The following STXBP6 variants were observed in gnomAD, a reference collection of about 807,000 sequenced individuals.
STXBP6 encodes syntaxin-binding protein 6.
In STXBP6, 21 loss-of-function variants were observed where a neutral mutation model predicts 26.9. That is an observed-to-expected ratio of 0.78 (90% confidence interval 0.55 to 1.12). The LOEUF (loss-of-function observed/expected upper bound fraction) is 1.12. STXBP6 is among the 50% of genes most tolerant of loss of function. The pLI is 0.00. For synonymous variants in STXBP6, 97 were observed against 92.6 expected, an observed-to-expected ratio of 1.05 and a Z score of -0.27; for missense variants, 232 against 257.9, an observed-to-expected ratio of 0.90 and a Z score of 0.69.
At chr14:24,926,933 C>T (rs1034205728) in intron 2 of STXBP6, among the ~76,000 whole-genome samples, 1 of 141,776 alleles carries the variant, frequency 7.1e-6, no homozygotes, top group East Asian at 2.1e-4. Flanking sequence ...GCTCCTGCTG[C>T]TATTTAAAAA....
chr14:24,899,812 A>AAAAAAAAAAGCAAAAAAAAG (rs1566458124), intron 2 of STXBP6, among the ~76,000 whole-genome samples: 2 of 144,646 alleles, frequency 1.4e-5, no homozygotes, highest in African/African-American at 5.5e-5. Context: ...AAAAAAAAAA[A>AAAAAAAAAAGCAAAAAAAAG]AAAAGAGTAA....
intron 2 of STXBP6, among the ~76,000 whole-genome samples, chr14:24,866,647 A>G (rs1398479377): frequency 7.2e-5 from 11 of 152,020 alleles, no homozygotes; most frequent in African/African-American, 2.7e-4. Flanking sequence ...AAGAAATTGA[A>G]GACTTATAGA....
intron 2 of STXBP6, among the ~76,000 whole-genome samples, chr14:24,907,581 T>C (rs952066470): frequency 1.3e-5 from 2 of 152,174 alleles, no homozygotes; most frequent in South Asian, 4.1e-4. Context: ...TTTTCCATAC[T>C]TTTTAATTTA....
intron 2 of STXBP6, among the ~76,000 whole-genome samples, chr14:24,943,039 C>G (rs2072859715): frequency 6.6e-6 from 1 of 152,208 alleles, no homozygotes; most frequent in Non-Finnish European, 1.5e-5. Context: ...TGTATGCTCA[C>G]TCTTCGGAAG....
intron 2 of STXBP6, among the ~76,000 whole-genome samples, chr14:24,941,933 A>G (rs928088077): frequency 6.6e-6 from 1 of 152,232 alleles, no homozygotes; most frequent in African/African-American, 2.4e-5. Flanking sequence ...CTGAATGCCA[A>G]CAGGCTGCCA....
chr14:24,893,473 C>G (rs1241606), intron 2 of STXBP6, among the ~76,000 whole-genome samples: 1 of 151,964 alleles, frequency 6.6e-6, no homozygotes, highest in Non-Finnish European at 1.5e-5. Context: ...TGTTCTTATT[C>G]GCCAAGCAGT....
rs1163045820 is a variant in STXBP6 at position 24,813,137 on chromosome 14, A to T, written c.610-405T>A. ...AATTGTATTTACTGGCATCTCATGA[A>T]GTATTAAAAATCAACAGCTTTTAGT... is the stretch of plus-strand genomic sequence containing the variant. On this transcript the variant is annotated intron_variant, in intron 5 of 5. Coordinates refer to ENST00000323944, the MANE Select transcript of STXBP6 (RefSeq NM_001394410.1). Among the ~76,000 whole-genome samples, 3 of 152,322 alleles carry T rather than the reference A, an allele frequency of 2.0e-5. No individual in the cohort carries two copies. The South Asian group carries it at 6.2e-4, about 32-fold the overall frequency.
chr14:24,870,259 G>C (rs888229874), intron 2 of STXBP6, among the ~76,000 whole-genome samples: 1 of 152,096 alleles, frequency 6.6e-6, no homozygotes, highest in South Asian at 2.1e-4. Context: ...TTAACGAGGG[G>C]CCAAATATGT....
intron 2 of STXBP6, among the ~76,000 whole-genome samples, chr14:24,930,752 T>C (rs2072354102): frequency 6.6e-6 from 1 of 152,124 alleles, no homozygotes; most frequent in African/African-American, 2.4e-5. Context: ...GCTATTTTAA[T>C]AAAAGTAATT....
intron 2 of STXBP6, among the ~76,000 whole-genome samples, chr14:24,895,132 TCA>T (rs1283138578): frequency 6.6e-6 from 1 of 152,226 alleles, no homozygotes; most frequent in African/African-American, 2.4e-5. Context: ...ACTGTTTTTC[TCA>T]CAGAAATCAG....
At chr14:25,010,337 G>A (rs914255763) in intron 1 of STXBP6, among the ~76,000 whole-genome samples, 9 of 152,178 alleles carry the variant, frequency 5.9e-5, no homozygotes, top group Admixed American at 1.3e-4. Context: ...ATTAAAATGC[G>A]TTCCAATTTC....
intron 2 of STXBP6, among the ~76,000 whole-genome samples, chr14:24,860,427 C>T (rs899218509): frequency 2.6e-5 from 4 of 152,000 alleles, no homozygotes; most frequent in African/African-American, 7.2e-5. Flanking sequence ...GCTCATATAC[C>T]GCCAAGATTC....
At chr14:24,818,372 G>A (rs938444740) in intron 5 of STXBP6, among the ~76,000 whole-genome samples, 1 of 152,176 alleles carries the variant, frequency 6.6e-6, no homozygotes, top group Non-Finnish European at 1.5e-5. Flanking sequence ...TTCTCAGCGA[G>A]TATGAGAATG....
At position 25,035,465 on chromosome 14, in the gene STXBP6, C is replaced by T. The variant is rs77773607; in HGVS notation, c.-33+14413G>A. On this transcript the variant is annotated intron_variant, in intron 1 of 5. Transcript: ENST00000323944. ...TTGGCAGGAAGTCAATAAGTTCAAACGTCCACCAGCCAAGTCCAGATCTGA... is the reference window on the plus strand; with the variant it reads ...TTGGCAGGAAGTCAATAAGTTCAAATGTCCACCAGCCAAGTCCAGATCTGA... Among the ~76,000 whole-genome samples, 904 of 152,340 alleles carry T rather than the reference C, an allele frequency of 5.9e-3. 11 individuals are homozygous for T. The highest frequency in any genetic ancestry group is 0.021 in the African/African-American group (865 of 41,582).
At chr14:24,914,680 T>C (rs544235156) in intron 2 of STXBP6, among the ~76,000 whole-genome samples, 4 of 152,332 alleles carry the variant, frequency 2.6e-5, no homozygotes, top group African/African-American at 9.6e-5. Context: ...CCCTAAGCTA[T>C]CCGTTGTCAT....
In STXBP6 at chr14:24,818,405, G is replaced by A. The variant is rs1043388744; in HGVS notation, c.609+632C>T. Among the ~76,000 whole-genome samples, 11 of 152,248 alleles carry A rather than the reference G, an allele frequency of 7.2e-5. 2 individuals are homozygous for A. Among genetic ancestry groups the A allele is most frequent in the Admixed American group, 3.9e-4 (6 of 15,296 alleles). ...ATGTGCAGAGTGCGCACTCAGTCAC[G>A]CAGGAAATGCCCTTCTCTGGATTCA... On this transcript the variant is annotated intron_variant, in intron 5 of 5. Transcript: ENST00000323944.
At chr14:24,936,495 C>T (rs1012136358) in intron 2 of STXBP6, among the ~76,000 whole-genome samples, 1 of 152,108 alleles carries the variant, frequency 6.6e-6, no homozygotes, top group African/African-American at 2.4e-5. Context: ...TCTATTCTTA[C>T]AGATTAGATT....
intron 2 of STXBP6, among the ~76,000 whole-genome samples, chr14:24,902,340 G>T (rs2071242167): frequency 6.6e-6 from 1 of 152,182 alleles, no homozygotes; most frequent in African/African-American, 2.4e-5. Context: ...GACATGGAAT[G>T]ATAAGATACA....
At chr14:24,924,686 T>C (rs1336536012) in intron 2 of STXBP6, among the ~76,000 whole-genome samples, 1 of 152,158 alleles carries the variant, frequency 6.6e-6, no homozygotes, top group South Asian at 2.1e-4. Flanking sequence ...TCCTGTTACA[T>C]TCACCATTGT....
Sources: allele counts gnomAD v4.1 joint callset (sites outside exome capture counted in the v4.1 genomes callset), GRCh38; gene constraint gnomAD v4.1.1; transcripts MANE v1.5; gene names NCBI Gene and HGNC (gene_info 2026-07-23, HGNC 2026-07-21).